FILIP1L: variants seen among roughly 807,000 people sequenced by gnomAD.
The protein encoded by FILIP1L is filamin A-interacting protein 1-like.
In FILIP1L, 55 loss-of-function variants were observed where a neutral mutation model predicts 96.6. The ratio of observed to expected loss-of-function variants is 0.57; its 90% CI spans 0.46 to 0.71. FILIP1L has a LOEUF of 0.71. Ranked by LOEUF, FILIP1L falls within the 30% of genes least tolerant of loss-of-function variation. The probability of loss-of-function intolerance (pLI) is 0.00; values close to 1 mark genes in which losing one functional copy is unlikely to be tolerated. For missense variants in FILIP1L, 1,304 were observed against 1,321.2 expected, an observed-to-expected ratio of 0.99 and a Z score of 0.20; for synonymous variants, 467 against 473.9, an observed-to-expected ratio of 0.99 and a Z score of 0.19.
chr3:100,053,689 A>G (rs550651688), intron 1 of FILIP1L, among the ~76,000 whole-genome samples: 1 of 152,284 alleles, frequency 6.6e-6, no homozygotes, highest in Non-Finnish European at 1.5e-5. Flanking sequence ...ACATTCTCTC[A>G]TTTCTCTGAG....
chr3:99,931,037 G>A lies in FILIP1L; in HGVS notation c.-10-7C>T. 6.2e-7 allele frequency: 1 copy of A among 1,607,770 alleles called. No individual in the cohort carries two copies. The highest frequency in any genetic ancestry group is 8.5e-7 in the Non-Finnish European group (1 of 1,177,238). On this transcript the variant is annotated splice_region_variant and splice_polypyrimidine_tract_variant and intron_variant, in intron 1 of 5. Coordinates refer to ENST00000477258, the MANE Select transcript of FILIP1L (RefSeq NM_001387850.1). ...GGAACGCATTCTTTAAAGCCTGGAA[G>A]GAGGGAAGAAAATTTGTAAAGCTTA...
intron 1 of FILIP1L, among the ~76,000 whole-genome samples, chr3:100,037,960 G>A (rs1168121931): frequency 2.3e-5 from 3 of 129,374 alleles, no homozygotes; most frequent in African/African-American, 5.9e-5. Context: ...TTTTTTTGGG[G>A]GGGGAGGGAA....
chr3:99,875,712 G>A (rs969071041), intron 4 of FILIP1L, among the ~76,000 whole-genome samples: 1 of 152,152 alleles, frequency 6.6e-6, no homozygotes, highest in Non-Finnish European at 1.5e-5. Context: ...TGAGTCCGGA[G>A]GAGAGATAGG....
At chr3:100,106,519 C>T (rs1245466858) in intron 1 of FILIP1L, among the ~76,000 whole-genome samples, 1 of 152,138 alleles carries the variant, frequency 6.6e-6, no homozygotes, top group Non-Finnish European at 1.5e-5. Flanking sequence ...AGAAACCCCA[C>T]TTTGACTCTT....
intron 1 of FILIP1L, among the ~76,000 whole-genome samples, chr3:100,085,989 T>TA (rs1419630821): frequency 6.6e-6 from 1 of 152,228 alleles, no homozygotes; most frequent in Non-Finnish European, 1.5e-5. Flanking sequence ...TTGGACAAGT[T>TA]AATCAAATGG....
intron 1 of FILIP1L, among the ~76,000 whole-genome samples, chr3:100,110,332 A>G (rs2107475353): frequency 6.6e-6 from 1 of 152,242 alleles, no homozygotes; most frequent in East Asian, 1.9e-4. Flanking sequence ...GCTCAGAAGC[A>G]GCTGCCTCTG....
At chr3:100,019,678 C>T (rs1280787327) in intron 1 of FILIP1L, among the ~76,000 whole-genome samples, 1 of 152,026 alleles carries the variant, frequency 6.6e-6, no homozygotes, top group Non-Finnish European at 1.5e-5. Context: ...ATGTAAAACT[C>T]TTCTCTTTTT....
chr3:99,881,908 AG>A (rs1363006077), intron 4 of FILIP1L, among the ~76,000 whole-genome samples: 2 of 152,170 alleles, frequency 1.3e-5, no homozygotes. Context: ...GCTTGATTTC[AG>A]GGTAAGTATT....
intron 1 of FILIP1L, among the ~76,000 whole-genome samples, chr3:99,948,765 G>A (rs982949593): frequency 1.4e-5 from 2 of 147,056 alleles, no homozygotes; most frequent in Admixed American, 1.4e-4. Flanking sequence ...AAGGAAGGAA[G>A]GAAAGAAAAA....
intron 1 of FILIP1L, among the ~76,000 whole-genome samples, chr3:100,078,162 A>G (rs1368605494): frequency 2.0e-5 from 3 of 152,150 alleles, no homozygotes; most frequent in African/African-American, 7.2e-5. Flanking sequence ...TGGTGCTAAT[A>G]TATTTGCTCC....
chr3:100,103,912 A>G (rs1175202798), intron 1 of FILIP1L, among the ~76,000 whole-genome samples: 1 of 152,202 alleles, frequency 6.6e-6, no homozygotes, highest in Non-Finnish European at 1.5e-5. Context: ...ATTAATAAGA[A>G]TCATGAGCAC....
intron 4 of FILIP1L, among the ~76,000 whole-genome samples, chr3:99,907,661 C>G (rs1450418785): frequency 1.3e-5 from 2 of 152,154 alleles, no homozygotes; most frequent in East Asian, 3.8e-4. Flanking sequence ...TTGCTTTTTC[C>G]TGAATTTGAT....
intron 1 of FILIP1L, among the ~76,000 whole-genome samples, chr3:100,073,033 A>G (rs944384673): frequency 1.3e-5 from 2 of 152,204 alleles, no homozygotes; most frequent in Non-Finnish European, 2.9e-5. Flanking sequence ...GATTAATATC[A>G]GAGGCAAAGC....
At chr3:99,895,697 A>G (rs1706228899) in intron 4 of FILIP1L, among the ~76,000 whole-genome samples, 1 of 152,122 alleles carries the variant, frequency 6.6e-6, no homozygotes, top group South Asian at 2.1e-4. Context: ...ACACTTCCAC[A>G]TGTTGTCTTC....
chr3:100,058,043 A>G (rs1006701185), intron 1 of FILIP1L, among the ~76,000 whole-genome samples: 5 of 152,232 alleles, frequency 3.3e-5, no homozygotes, highest in African/African-American at 7.2e-5. Context: ...TCATGCCTCA[A>G]AGTAATCCCA....
At chr3:99,880,056 T>G (rs1380673026) in intron 4 of FILIP1L, among the ~76,000 whole-genome samples, 2 of 152,284 alleles carry the variant, frequency 1.3e-5, no homozygotes, top group African/African-American at 4.8e-5. Context: ...ATGGATCCGA[T>G]CCTGTGCTTC....
chr3:99,915,868 C>T (rs1706934616), intron 4 of FILIP1L, among the ~76,000 whole-genome samples: 1 of 152,178 alleles, frequency 6.6e-6, no homozygotes, highest in South Asian at 2.1e-4. Context: ...CACTTGAAAA[C>T]TCTTATTAAT....
At chr3:99,870,170 C>T (rs1944720101) in intron 4 of FILIP1L, among the ~76,000 whole-genome samples, 1 of 152,164 alleles carries the variant, frequency 6.6e-6, no homozygotes, top group Admixed American at 6.5e-5. Flanking sequence ...GGGTGGATGA[C>T]ATTGTTCCCT....
chr3:99,937,133 TCA>T (rs1707704272), intron 1 of FILIP1L, among the ~76,000 whole-genome samples: 1 of 152,014 alleles, frequency 6.6e-6, no homozygotes, highest in Non-Finnish European at 1.5e-5. Context: ...AGATGGAGTT[TCA>T]CCATGTTGGC....
Sources: gnomAD v4.1 joint callset for allele counts (sites outside exome capture counted in the v4.1 genomes callset) on GRCh38, gnomAD v4.1.1 for gene constraint, MANE v1.5 for transcripts, NCBI Gene and HGNC (gene_info 2026-07-23, HGNC 2026-07-21) for gene names.